The following C12orf50 variants were observed in gnomAD, a reference collection of about 807,000 sequenced individuals.
C12orf50 encodes zinc finger CCCH-type containing 11D, also known as uncharacterized protein C12orf50.
C12orf50 carries 35 observed loss-of-function variants against 61.6 expected under a neutral mutation model. That is an observed-to-expected ratio of 0.57 (90% CI 0.43 to 0.75). The LOEUF is 0.75. C12orf50 is among the 30% of genes least tolerant of loss of function. C12orf50 has a pLI of 0.00. For missense variants in C12orf50, 475 were observed against 488.5 expected (o/e 0.97, Z 0.26); for synonymous variants, 178 against 161.5 (o/e 1.10, Z -0.77).
intron 7 of C12orf50, among the ~76,000 whole-genome samples, chr12:87,989,691 A>C (rs1434718007): frequency 6.6e-6 from 1 of 152,142 alleles, no homozygotes; most frequent in Non-Finnish European, 1.5e-5. Context: ...TTTATCTTCC[A>C]TATAACATCT....
chr12:88,001,878 C>T (rs946810744), intron 3 of C12orf50, among the ~76,000 whole-genome samples: 1 of 151,324 alleles, frequency 6.6e-6, no homozygotes, highest in Non-Finnish European at 1.5e-5. Flanking sequence ...CAACCTATCT[C>T]TTTTTTTCTT....
At chr12:88,009,151 CTAGGA>C (rs891457556) in intron 3 of C12orf50, among the ~76,000 whole-genome samples, 1 of 152,056 alleles carries the variant, frequency 6.6e-6, no homozygotes. Flanking sequence ...ATGGATTTCT[CTAGGA>C]TATATGCTTC....
At chr12:88,024,035 A>G (rs1457355257) in intron 3 of C12orf50, among the ~76,000 whole-genome samples, 4 of 152,232 alleles carry the variant, frequency 2.6e-5, no homozygotes. Context: ...AATGCTCAAC[A>G]TCACTAATCA....
chr12:87,987,696 G>C (rs1175328994), intron 9 of C12orf50, among the ~76,000 whole-genome samples, 154 bp downstream of exon 9: 1 of 152,148 alleles, frequency 6.6e-6, no homozygotes, highest in Non-Finnish European at 1.5e-5. Flanking sequence ...GTCAGAGTTA[G>C]TTAGTAGAGG....
At chr12:88,026,398 G>T in intron 3 of C12orf50, 90 bp downstream of exon 3, 1 of 1,429,392 alleles carries the variant, frequency 7.0e-7, no homozygotes, top group Non-Finnish European at 9.5e-7. Context: ...TGCTCACCTT[G>T]TCATACTTTT....
At chr12:88,007,178 GA>G (rs1465463616) in intron 3 of C12orf50, among the ~76,000 whole-genome samples, 2 of 151,850 alleles carry the variant, frequency 1.3e-5, no homozygotes, top group Admixed American at 6.6e-5. Flanking sequence ...CAATATCTTA[GA>G]AAAAAACCCA....
At chr12:87,997,726 T>C (rs901220604) in intron 4 of C12orf50, among the ~76,000 whole-genome samples, 8 of 152,194 alleles carry the variant, frequency 5.3e-5, no homozygotes, top group African/African-American at 1.7e-4. Context: ...TCCATGTCCC[T>C]GCAAAGGACA....
At chr12:88,019,982 G>A (rs2032455658) in intron 3 of C12orf50, among the ~76,000 whole-genome samples, 1 of 152,134 alleles carries the variant, frequency 6.6e-6, no homozygotes, top group Non-Finnish European at 1.5e-5. Flanking sequence ...TTTCAGACAA[G>A]CAAGTGCTGA....
chr12:87,988,062 A>C, intron 8 of C12orf50, 96 bp from the exon 9 acceptor site: 3 of 625,898 alleles, frequency 4.8e-6, no homozygotes, highest in Non-Finnish European at 5.3e-6. Flanking sequence ...CATAATGGGA[A>C]CACCTCTTTA....
At chr12:87,999,705 A>C (rs1288843764) in intron 3 of C12orf50, among the ~76,000 whole-genome samples, 2 of 152,278 alleles carry the variant, frequency 1.3e-5, no homozygotes, top group Admixed American at 1.3e-4. Context: ...TCTATATTAT[A>C]CAAATGTAAT....
At chr12:87,983,569 T>C (rs1236775452) in intron 11 of C12orf50, 1 of 151,494 alleles carries the variant, frequency 6.6e-6, no homozygotes, top group African/African-American at 2.4e-5. Context: ...GTCCCCAGAG[T>C]GTGGTGTTCC....
intron 7 of C12orf50, among the ~76,000 whole-genome samples, chr12:87,994,043 T>C (rs1256278605): frequency 6.6e-6 from 1 of 151,836 alleles, no homozygotes; most frequent in Non-Finnish European, 1.5e-5. Flanking sequence ...CTACTAAAAA[T>C]ACAAAAATTA....
In C12orf50 at chr12:87,980,371, C is replaced by G. The variant is rs376516458; in HGVS notation, c.1220-15G>C. On this transcript the variant is annotated splice_polypyrimidine_tract_variant and intron_variant, in intron 12 of 12. Transcript: ENST00000298699. The stretch of plus-strand genomic sequence containing the variant: ...TCTTCTTGGCTCTAATAATAAAATA[C>G]ACAAAATATTTCAATTATTTTCTTG... 1 of 1,594,640 alleles carries G rather than the reference C, an allele frequency of 6.3e-7. No individual in the cohort carries two copies. Among genetic ancestry groups the G allele is most frequent in the Admixed American group, 1.7e-5 (1 of 59,726 alleles).
At chr12:87,982,738 T>C (rs2030555771) in intron 12 of C12orf50, among the ~76,000 whole-genome samples, 1 of 151,608 alleles carries the variant, frequency 6.6e-6, no homozygotes, top group African/African-American at 2.4e-5. Context: ...ATGGTAGATA[T>C]AGTAAAGCTT....
chr12:88,019,198 G>C (rs774553591), intron 3 of C12orf50, among the ~76,000 whole-genome samples: 11 of 149,680 alleles, frequency 7.3e-5, no homozygotes, highest in Non-Finnish European at 1.5e-4. Context: ...TCATGGGGCA[G>C]GTATTTCCCA....
chr12:88,008,392 A>G (rs2031972118), intron 3 of C12orf50, among the ~76,000 whole-genome samples: 1 of 152,106 alleles, frequency 6.6e-6, no homozygotes, highest in Admixed American at 6.6e-5. Context: ...AAAGAATATG[A>G]TCTCATTCTT....
intron 3 of C12orf50, among the ~76,000 whole-genome samples, chr12:88,003,984 G>A (rs187939820): frequency 2.9e-4 from 43 of 150,606 alleles, no homozygotes; most frequent in Middle Eastern, 6.8e-3. Context: ...TATAATCTCC[G>A]TTGATTTATC....
At chr12:88,012,735 T>C (rs895397915) in intron 3 of C12orf50, among the ~76,000 whole-genome samples, 3 of 152,112 alleles carry the variant, frequency 2.0e-5, no homozygotes, top group African/African-American at 7.2e-5. Context: ...TTAAAAGATA[T>C]CCTACAAAGC....
At chr12:87,991,415 G>T (rs567752364) in intron 7 of C12orf50, among the ~76,000 whole-genome samples, 9 of 152,154 alleles carry the variant, frequency 5.9e-5, no homozygotes, top group South Asian at 2.1e-4. Context: ...AACTGATGGA[G>T]AATTTAAGTA....
Sources: gnomAD v4.1 joint callset for allele counts (sites outside exome capture counted in the v4.1 genomes callset) on GRCh38, gnomAD v4.1.1 for gene constraint, MANE v1.5 for transcripts, NCBI Gene and HGNC (gene_info 2026-07-23, HGNC 2026-07-21) for gene names.